The following PRKG1 variants were observed in gnomAD, a reference collection of about 807,000 sequenced individuals.
PRKG1 encodes the protein protein kinase cGMP-dependent 1.
A neutral mutation model predicts 88.1 loss-of-function variants in PRKG1; 35 were observed. The observed-to-expected ratio is 0.40, with a 90% CI of 0.30 to 0.53. PRKG1 has a LOEUF of 0.53. Among genes scored for constraint, PRKG1 ranks in the 20% least tolerant of loss-of-function variants. The pLI, the probability that PRKG1 is intolerant of heterozygous loss-of-function variation, is 0.59. For synonymous variants in PRKG1, 303 were observed against 292.5 expected (o/e 1.04, Z -0.37); for missense variants, 540 against 839.8 (o/e 0.64, Z 4.41).
At chr10:51,546,280 T>C (rs1032842911) in intron 3 of PRKG1, among the ~76,000 whole-genome samples, 1 of 152,098 alleles carries the variant, frequency 6.6e-6, no homozygotes, top group Non-Finnish European at 1.5e-5. Context: ...AAAATACTTC[T>C]TTAATTTTTT....
Position 51,729,706 on chromosome 10 carries a change from C to CAAAAAAAAAAAAAA in PRKG1, c.593-74864_593-74851dup, listed in dbSNP as rs34900286. On this transcript the variant is annotated intron_variant, in intron 3 of 17. Coordinates refer to ENST00000373980, the MANE Select transcript of PRKG1 (RefSeq NM_006258.4). ...TGGGCAACAGAGTGAGACTCCATCT[C>CAAAAAAAAAAAAAA]AAAAAAAAAAAAAAAAAAAAAAAAA... 1.4e-4 allele frequency among the ~76,000 whole-genome samples: 4 copies of CAAAAAAAAAAAAAA among 28,778 alleles called. 1 individual carries two copies. The highest frequency in any genetic ancestry group is 4.6e-4 in the African/African-American group (4 of 8,732). 18.9% of individuals were successfully genotyped at this position (28,778 alleles called of 152,430 possible). A position where few individuals can be genotyped will look rare whatever the true frequency, so the allele number is the denominator to read the frequency against.
At chr10:51,370,512 ATGTG>A (rs34743767) in intron 2 of PRKG1, among the ~76,000 whole-genome samples, 11 of 146,802 alleles carry the variant, frequency 7.5e-5, no homozygotes, top group Non-Finnish European at 6.0e-5. Flanking sequence ...GTGTGTGTGT[ATGTG>A]TGTGTGTGTG....
intron 10 of PRKG1, among the ~76,000 whole-genome samples, chr10:52,254,685 A>G (rs1841265978): frequency 6.6e-6 from 1 of 151,974 alleles, no homozygotes; most frequent in African/African-American, 2.4e-5. Context: ...ACTTTTTAGC[A>G]TTTCTTAATT....
chr10:51,466,720 G>C (rs1839916771), intron 2 of PRKG1, among the ~76,000 whole-genome samples: 1 of 151,958 alleles, frequency 6.6e-6, no homozygotes, highest in South Asian at 2.1e-4. Context: ...TACTCTAAAA[G>C]GTTAAATATT....
intron 5 of PRKG1, among the ~76,000 whole-genome samples, chr10:51,932,393 T>C (rs1052655373): frequency 1.3e-5 from 2 of 152,164 alleles, no homozygotes; most frequent in African/African-American, 4.8e-5. Flanking sequence ...TATATGTTAG[T>C]CATGAGGGCT....
chr10:51,789,598 T>G (rs1468981588), intron 3 of PRKG1, among the ~76,000 whole-genome samples: 1 of 152,152 alleles, frequency 6.6e-6, no homozygotes, highest in Non-Finnish European at 1.5e-5. Flanking sequence ...ATGATGGAAT[T>G]AAGGGCTACC....
chr10:51,463,038 G>C (rs540155716), intron 2 of PRKG1, among the ~76,000 whole-genome samples: 1 of 152,200 alleles, frequency 6.6e-6, no homozygotes, highest in African/African-American at 2.4e-5. Context: ...TGGTCTTAGA[G>C]AAATTAATAG....
intron 4 of PRKG1, among the ~76,000 whole-genome samples, chr10:51,869,156 T>G (rs373493896): frequency 6.6e-6 from 1 of 152,226 alleles, no homozygotes; most frequent in South Asian, 2.1e-4. Flanking sequence ...ACATTGCGAT[T>G]GCACCTTTCT....
At chr10:51,676,199 A>T (rs1840706291) in intron 3 of PRKG1, among the ~76,000 whole-genome samples, 1 of 142,806 alleles carries the variant, frequency 7.0e-6, no homozygotes, top group Non-Finnish European at 1.6e-5. Flanking sequence ...TTGAATTTAT[A>T]TTCAAATTAA....
At chr10:52,111,612 C>T (rs1847566580) in intron 7 of PRKG1, among the ~76,000 whole-genome samples, 1 of 152,084 alleles carries the variant, frequency 6.6e-6, no homozygotes, top group Admixed American at 6.6e-5. Flanking sequence ...ATGCTTTAAT[C>T]CTATCTAATT....
chr10:51,993,004 G>A (rs1472279930), intron 5 of PRKG1, among the ~76,000 whole-genome samples: 1 of 152,090 alleles, frequency 6.6e-6, no homozygotes, highest in Non-Finnish European at 1.5e-5. Flanking sequence ...CTTACTCACG[G>A]AAGGAGAGAA....
At chr10:52,030,210 T>C (rs375607234) in intron 5 of PRKG1, among the ~76,000 whole-genome samples, 4 of 152,202 alleles carry the variant, frequency 2.6e-5, no homozygotes, top group African/African-American at 9.6e-5. Flanking sequence ...TTGTTCTGTG[T>C]GCATACCATG....
At chr10:52,013,573 C>G (rs755576350) in intron 5 of PRKG1, among the ~76,000 whole-genome samples, 1 of 152,182 alleles carries the variant, frequency 6.6e-6, no homozygotes, top group Non-Finnish European at 1.5e-5. Context: ...ACTATAGGTA[C>G]AGCATAAGCA....
intron 4 of PRKG1, among the ~76,000 whole-genome samples, chr10:51,876,299 A>G (rs1013426228): frequency 6.6e-6 from 1 of 152,216 alleles, no homozygotes; most frequent in Admixed American, 6.5e-5. Context: ...CATTTTAAAT[A>G]GTGGAAAGGG....
chr10:51,485,644 G>T (rs1036291820), intron 3 of PRKG1, among the ~76,000 whole-genome samples: 2 of 152,250 alleles, frequency 1.3e-5, no homozygotes, highest in Middle Eastern at 6.8e-3. Context: ...CTACTAAAAT[G>T]TTATATTGCT....
At position 51,475,838 on chromosome 10, in the gene PRKG1, G is replaced by T. The variant is rs188993617; in HGVS notation, c.592+8002G>T. Among the ~76,000 whole-genome samples, 677 of 152,098 alleles carry T rather than the reference G, an allele frequency of 4.5e-3. 3 individuals are homozygous for T. The highest frequency in any genetic ancestry group is 0.016 in the African/African-American group (658 of 41,520). ...ATTAAACTTGATGGCTAGGATGTTGGTAGAAAAACAGAACAAAGAAAAAAT... is the reference window on the plus strand; with the variant it reads ...ATTAAACTTGATGGCTAGGATGTTGTTAGAAAAACAGAACAAAGAAAAAAT... On this transcript the variant is annotated intron_variant, in intron 3 of 17. Transcript: ENST00000373980.
chr10:51,034,095 G>A (rs1034820488), intron 1 of PRKG1, among the ~76,000 whole-genome samples: 11 of 152,162 alleles, frequency 7.2e-5, no homozygotes, highest in African/African-American at 2.7e-4. Context: ...AAACGTGTAA[G>A]AAATCACATT....
intron 1 of PRKG1, among the ~76,000 whole-genome samples, chr10:51,109,583 G>T (rs553783473): frequency 4.6e-5 from 7 of 152,196 alleles, no homozygotes; most frequent in Admixed American, 1.3e-4. Context: ...ATTCAAAATG[G>T]ACCATAGACT....
At chr10:51,956,972 C>A (rs1273645904) in intron 5 of PRKG1, among the ~76,000 whole-genome samples, 2 of 151,186 alleles carry the variant, frequency 1.3e-5, no homozygotes, top group African/African-American at 4.9e-5. Flanking sequence ...CTTCCTTCCT[C>A]TTTCTCTCTC....
Sources: allele counts gnomAD v4.1 joint callset (sites outside exome capture counted in the v4.1 genomes callset), GRCh38; gene constraint gnomAD v4.1.1; transcripts MANE v1.5; gene names NCBI Gene and HGNC (gene_info 2026-07-23, HGNC 2026-07-21).